SEMA4D: variants seen among roughly 807,000 people sequenced by gnomAD.
SEMA4D encodes the protein semaphorin-4D.
SEMA4D carries 22 observed loss-of-function variants against 74.8 expected under a neutral mutation model. That is an observed-to-expected ratio of 0.29 (90% CI 0.21 to 0.42). SEMA4D has a LOEUF of 0.42. Among genes scored for constraint, SEMA4D ranks in the 10% least tolerant of loss-of-function variants. SEMA4D has a pLI of 1.00. For synonymous variants in SEMA4D, 445 were observed against 463.7 expected (o/e 0.96, Z 0.52); for missense variants, 937 against 1,118.4 (o/e 0.84, Z 2.31).
intron 2 of SEMA4D, among the ~76,000 whole-genome samples, chr9:89,439,360 A>G (rs1851206443): frequency 6.6e-6 from 1 of 152,188 alleles, no homozygotes; most frequent in South Asian, 2.1e-4. Flanking sequence ...TTCAGAATAT[A>G]TGAGTTACCT....
intron 2 of SEMA4D, among the ~76,000 whole-genome samples, chr9:89,435,239 G>A (rs386470978): frequency 1.3e-3 from 191 of 152,290 alleles, no homozygotes; most frequent in Non-Finnish European, 2.4e-3. Flanking sequence ...GAGTAAACAT[G>A]CAAATGATCA....
chr9:89,363,427 T>TA, intron 18 of SEMA4D: 1 of 1,612,402 alleles, frequency 6.2e-7, no homozygotes, highest in Non-Finnish European at 8.5e-7. Context: ...TGCGGCCACT[T>TA]ACCCACGCCT....
At chr9:89,393,414 T>C (rs1010845044) in intron 7 of SEMA4D, 148 bp downstream of exon 7, 10 of 649,636 alleles carry the variant, frequency 1.5e-5, no homozygotes, top group Middle Eastern at 2.5e-4. Context: ...AAAGGGTCTA[T>C]GCAGTCACAT....
intron 1 of SEMA4D, among the ~76,000 whole-genome samples, chr9:89,471,605 G>C (rs2135963296): frequency 8.6e-6 from 1 of 115,940 alleles, no homozygotes. Context: ...TGCCAGCTCA[G>C]GTGCACGCCA....
chr9:89,452,936 T>C (rs1276394419), intron 2 of SEMA4D, among the ~76,000 whole-genome samples: 1 of 152,170 alleles, frequency 6.6e-6, no homozygotes, highest in Admixed American at 6.5e-5. Flanking sequence ...AGGGATGGGA[T>C]CTTGGGTGTT....
intron 1 of SEMA4D, among the ~76,000 whole-genome samples, chr9:89,489,142 A>G (rs1825431593): frequency 6.6e-6 from 1 of 152,190 alleles, no homozygotes. Context: ...ACGTAAACCA[A>G]CTGCAACTCT....
chr9:89,421,130 T>C (rs1331734797), intron 2 of SEMA4D, among the ~76,000 whole-genome samples: 1 of 152,214 alleles, frequency 6.6e-6, no homozygotes, highest in Non-Finnish European at 1.5e-5. Context: ...CATAGACTCC[T>C]GGAAGCAGGG....
intron 1 of SEMA4D, among the ~76,000 whole-genome samples, chr9:89,462,725 A>C (rs1406175028): frequency 2.0e-5 from 3 of 151,698 alleles, no homozygotes; most frequent in Admixed American, 6.6e-5. Flanking sequence ...CGGAAGGATC[A>C]CTTGAAGCCA....
intron 2 of SEMA4D, among the ~76,000 whole-genome samples, chr9:89,417,733 C>T (rs1353632321): frequency 6.6e-6 from 1 of 152,242 alleles, no homozygotes; most frequent in Non-Finnish European, 1.5e-5. Flanking sequence ...CTTTCTGGTG[C>T]AGGCACCAGG....
chr9:89,460,504 T>C (rs1005081356), intron 1 of SEMA4D, among the ~76,000 whole-genome samples: 1 of 152,264 alleles, frequency 6.6e-6, no homozygotes, highest in Admixed American at 6.5e-5. Flanking sequence ...TACAAACAAC[T>C]TGAAACTCCA....
intron 16 of SEMA4D, among the ~76,000 whole-genome samples, chr9:89,371,902 TATGTGTGTG>T (rs1834974554): frequency 1.9e-4 from 1 of 5,170 alleles, no homozygotes; most frequent in Non-Finnish European, 3.1e-4. Context: ...TGGGGTGTGG[TATGTGTGTG>T]GTGTGTGGGG....
intron 3 of SEMA4D, among the ~76,000 whole-genome samples, chr9:89,403,542 A>T (rs1336660677): frequency 6.6e-6 from 1 of 152,252 alleles, no homozygotes; most frequent in East Asian, 1.9e-4. Context: ...ATTCTCAGTG[A>T]TCACCACCAC....
chr9:89,475,271 C>T (rs1861483432), intron 1 of SEMA4D, among the ~76,000 whole-genome samples: 1 of 152,208 alleles, frequency 6.6e-6, no homozygotes, highest in Non-Finnish European at 1.5e-5. Flanking sequence ...TGTCCCCACC[C>T]ACCTGGGAGC....
At chr9:89,369,615 C>G (rs796886220) in intron 16 of SEMA4D, 15 of 152,374 alleles carry the variant, frequency 9.8e-5, no homozygotes, top group African/African-American at 3.4e-4. Flanking sequence ...TTGATCCTTA[C>G]GTTTGTATGC....
rs190678340 is a variant in SEMA4D, at chr9:89,392,388, C to T, written c.622+35G>A. 407 of 1,436,184 alleles carry T rather than the reference C, an allele frequency of 2.8e-4. 2 individuals are homozygous for T. The Admixed American group carries it at 6.0e-3, about 21-fold the overall frequency. 89.0% of individuals were successfully genotyped at this position (1,436,184 alleles called of 1,614,324 possible). A position where few individuals can be genotyped will look rare whatever the true frequency, so the allele number is the denominator to read the frequency against. ...ACAGGTGTGCACTCATGAGGAGACACGCACCTCCCACTAAGGTGCACTGCT... is the reference window on the plus strand; with the variant it reads ...ACAGGTGTGCACTCATGAGGAGACATGCACCTCCCACTAAGGTGCACTGCT... On this transcript the variant is annotated intron_variant, in intron 8 of 15. Coordinates refer to ENST00000422704, the MANE Select transcript of SEMA4D (RefSeq NM_001371194.2).
chr9:89,430,410 G>C (rs1307155842), intron 2 of SEMA4D, among the ~76,000 whole-genome samples: 2 of 152,112 alleles, frequency 1.3e-5, no homozygotes, highest in Non-Finnish European at 1.5e-5. Context: ...GCCTCTCTAG[G>C]GGTGGCTATT....
rs905385598 is a variant in SEMA4D at position 89,388,817 on chromosome 9, G to A, written c.951-25C>T. 7.5e-6 allele frequency: 12 copies of A among 1,605,828 alleles called. No homozygotes were observed. The African/African-American group carries it at 1.2e-4, about 16-fold the overall frequency. On this transcript the variant is annotated intron_variant, in intron 10 of 15. Transcript: ENST00000422704. ...CCTGGGGAGGGGAAAGAGGTGACGG[G>A]ACCACCTGGCGGCATCAAGGGAGCA...
chr9:89,378,169 T>C lies in SEMA4D; in HGVS notation c.*535A>G, dbSNP rs1187794735. ...TCTTCTAAATATTAACACAACTGCT[T>C]CTGTAACTAAAAAAAAATGACCCAT... On this transcript the variant is annotated 3_prime_UTR_variant, in exon 16 of 16. Coordinates refer to ENST00000422704, the MANE Select transcript of SEMA4D (RefSeq NM_001371194.2). The C allele has an allele frequency of 6.5e-6, 1 of 152,920 alleles. No individual in the cohort carries two copies. Among genetic ancestry groups the C allele is most frequent in the Non-Finnish European group, 1.5e-5 (1 of 68,524 alleles). 9.5% of individuals were successfully genotyped at this position (152,920 alleles called of 1,614,324 possible).
In SEMA4D at chr9:89,402,864, G is replaced by A; in HGVS notation, c.252+7C>T. 2 of 1,612,846 alleles carry A rather than the reference G, an allele frequency of 1.2e-6. No individual in the cohort carries two copies. The highest frequency in any genetic ancestry group is 1.7e-6 in the Non-Finnish European group (2 of 1,179,014). ...TATGTGGACATGCAGGGGAGCCCAG[G>A]ACGTACCTCATGCTGCTTCTCGGAG... On this transcript the variant is annotated splice_region_variant and intron_variant, in intron 4 of 15. Transcript: ENST00000422704.
Sources: gnomAD v4.1 joint callset for allele counts (sites outside exome capture counted in the v4.1 genomes callset) on GRCh38, gnomAD v4.1.1 for gene constraint, MANE v1.5 for transcripts, NCBI Gene and HGNC (gene_info 2026-07-23, HGNC 2026-07-21) for gene names.